The following KCNB2 variants were observed in gnomAD, a reference collection of about 807,000 sequenced individuals.
The protein encoded by KCNB2 is potassium voltage-gated channel subfamily B member 2, also known as delayed rectifier potassium channel protein.
Under a neutral mutation model 61.5 loss-of-function variants are expected in KCNB2, and 15 were observed. The observed-to-expected ratio is 0.24, with a 90% CI of 0.16 to 0.38. The LOEUF (loss-of-function observed/expected upper bound fraction) is 0.38. Among genes scored for constraint, KCNB2 ranks in the 10% least tolerant of loss-of-function variants. The pLI is 1.00. For missense variants in KCNB2, 828 were observed against 1,125.2 expected (o/e 0.74, Z 3.78); for synonymous variants, 457 against 446.0 (o/e 1.02, Z -0.31).
At chr8:72,701,550 TA>T (rs1349797406) in intron 2 of KCNB2, among the ~76,000 whole-genome samples, 1 of 141,322 alleles carries the variant, frequency 7.1e-6, no homozygotes. Flanking sequence ...TAGATTTTTT[TA>T]AAAACTTTCC....
intron 2 of KCNB2, among the ~76,000 whole-genome samples, chr8:72,686,852 A>G (rs1806861332): frequency 6.6e-6 from 1 of 152,214 alleles, no homozygotes; most frequent in Admixed American, 6.5e-5. Flanking sequence ...ACTTAGAATT[A>G]AATGTATGAC....
chr8:72,640,237 A>G (rs912903460), intron 2 of KCNB2, among the ~76,000 whole-genome samples: 12 of 152,160 alleles, frequency 7.9e-5, no homozygotes, highest in South Asian at 2.1e-4. Context: ...TGGTCTTCCC[A>G]TAAGACAGCA....
intron 1 of KCNB2, among the ~76,000 whole-genome samples, chr8:72,547,011 A>G (rs1025305556): frequency 6.6e-6 from 1 of 152,210 alleles, no homozygotes; most frequent in Non-Finnish European, 1.5e-5. Flanking sequence ...GGTGACCTTA[A>G]GTTGAATTCA....
intron 2 of KCNB2, among the ~76,000 whole-genome samples, chr8:72,844,635 T>G (rs2129002859): frequency 6.6e-6 from 1 of 152,346 alleles, no homozygotes; most frequent in South Asian, 2.1e-4. Flanking sequence ...CTTTGTTCAT[T>G]CCTTTTCATT....
intron 2 of KCNB2, among the ~76,000 whole-genome samples, chr8:72,719,667 G>T (rs925698208): frequency 2.0e-5 from 3 of 152,164 alleles, no homozygotes; most frequent in African/African-American, 7.2e-5. Flanking sequence ...TGGGCCTGAA[G>T]GTTCCACACT....
At chr8:72,706,999 A>G (rs960555832) in intron 2 of KCNB2, among the ~76,000 whole-genome samples, 8 of 152,118 alleles carry the variant, frequency 5.3e-5, no homozygotes, top group Non-Finnish European at 7.4e-5. Context: ...TTAAATACCA[A>G]CCTTGTACTC....
chr8:72,657,396 A>C (rs1473918830), intron 2 of KCNB2, among the ~76,000 whole-genome samples: 1 of 152,182 alleles, frequency 6.6e-6, no homozygotes, highest in African/African-American at 2.4e-5. Context: ...TATTAATCTT[A>C]AGTGTAGCCC....
chr8:72,656,037 C>T (rs1285596930), intron 2 of KCNB2, among the ~76,000 whole-genome samples: 2 of 152,088 alleles, frequency 1.3e-5, no homozygotes, highest in South Asian at 2.1e-4. Context: ...AAGGAAGGGA[C>T]ATTGTGGGCA....
intron 2 of KCNB2, among the ~76,000 whole-genome samples, chr8:72,767,494 A>T (rs1372835898): frequency 6.6e-6 from 1 of 152,118 alleles, no homozygotes; most frequent in African/African-American, 2.4e-5. Context: ...ATCTTTTGTG[A>T]CTGGTTTCTT....
intron 2 of KCNB2, among the ~76,000 whole-genome samples, chr8:72,652,816 A>G (rs559481080): frequency 6.6e-6 from 1 of 152,220 alleles, no homozygotes; most frequent in South Asian, 2.1e-4. Context: ...TTACTTTCCT[A>G]GGGCTGCCCT....
intron 2 of KCNB2, among the ~76,000 whole-genome samples, chr8:72,740,858 C>T (rs1453591747): frequency 6.6e-6 from 1 of 152,054 alleles, no homozygotes; most frequent in Non-Finnish European, 1.5e-5. Flanking sequence ...AGATTTGCAG[C>T]AAGAGAAAAA....
chr8:72,904,668 T>C lies in KCNB2; in HGVS notation c.580-31267T>C, dbSNP rs148835607. On this transcript the variant is annotated intron_variant, in intron 2 of 2. Transcript: ENST00000523207. ...AAATGTTTTTTTATTTTTTTAATTT[T>C]TTTATTATACTTTAAGTTTTAGGGT... 5.6e-3 allele frequency among the ~76,000 whole-genome samples: 849 copies of C among 152,314 alleles called. 5 individuals carry two copies. Among genetic ancestry groups the C allele is most frequent in the African/African-American group, 0.02 (822 of 41,592 alleles).
intron 2 of KCNB2, among the ~76,000 whole-genome samples, chr8:72,594,039 A>T (rs1010785419): frequency 6.6e-6 from 1 of 152,174 alleles, no homozygotes; most frequent in Non-Finnish European, 1.5e-5. Flanking sequence ...TAGATACCGT[A>T]AGGGTAGAAA....
chr8:72,917,626 G>A (rs1355967279), intron 2 of KCNB2, among the ~76,000 whole-genome samples: 3 of 152,120 alleles, frequency 2.0e-5, no homozygotes. Flanking sequence ...ATTGGGAAAG[G>A]AAAAAGATGG....
intron 2 of KCNB2, among the ~76,000 whole-genome samples, chr8:72,923,719 T>A (rs1362210199): frequency 6.6e-6 from 1 of 152,148 alleles, no homozygotes; most frequent in Non-Finnish European, 1.5e-5. Flanking sequence ...GTCAGCAACA[T>A]GCACAGAAAT....
Position 72,540,500 on chromosome 8 carries a change from ATTGTTG to A in KCNB2, c.-94+2627_-94+2632del, listed in dbSNP as rs528943851. ...TTCTTTTTTAGCCCAGAGTTTTGTTATTGTTGTTGTTGTTGTTTGTTTTTTTTAAGG... is the reference window on the plus strand; with the variant it reads ...TTCTTTTTTAGCCCAGAGTTTTGTTATTGTTGTTGTTTGTTTTTTTTAAGG... On this transcript the variant is annotated intron_variant, in intron 1 of 2. Transcript: ENST00000523207. Among the ~76,000 whole-genome samples the A allele has an allele frequency of 2.1e-3, 319 of 152,040 alleles. 2 individuals are homozygous for A. The highest frequency in any genetic ancestry group is 3.7e-3 in the Non-Finnish European group (253 of 67,906).
At chr8:72,722,236 C>A (rs1807562945) in intron 2 of KCNB2, among the ~76,000 whole-genome samples, 1 of 152,192 alleles carries the variant, frequency 6.6e-6, no homozygotes, top group South Asian at 2.1e-4. Context: ...CATTCTCTGG[C>A]CCCCCTTCCA....
chr8:72,790,304 G>A (rs749620405), intron 2 of KCNB2, among the ~76,000 whole-genome samples: 1 of 152,148 alleles, frequency 6.6e-6, no homozygotes, highest in Non-Finnish European at 1.5e-5. Context: ...AGAGGAACTC[G>A]AGTAAATGAA....
chr8:72,816,747 G>A (rs1164676798), intron 2 of KCNB2, among the ~76,000 whole-genome samples: 1 of 152,164 alleles, frequency 6.6e-6, no homozygotes, highest in Non-Finnish European at 1.5e-5. Flanking sequence ...CATTTTTGAA[G>A]CATCTGTTAA....
Sources: allele counts gnomAD v4.1 joint callset (sites outside exome capture counted in the v4.1 genomes callset), GRCh38; gene constraint gnomAD v4.1.1; transcripts MANE v1.5; gene names NCBI Gene and HGNC (gene_info 2026-07-23, HGNC 2026-07-21).